Variants in MYO3A observed in about 807,000 individuals in gnomAD.
MYO3A encodes myosin-IIIa.
MYO3A carries 180 observed loss-of-function variants against 192.7 expected under a neutral mutation model. That is an observed-to-expected ratio of 0.93 (90% CI 0.83 to 1.06). MYO3A has a LOEUF of 1.06. MYO3A is among the 50% of genes least tolerant of loss of function. The pLI, the probability that MYO3A is intolerant of heterozygous loss-of-function variation, is 0.00. For missense variants in MYO3A, 1,896 were observed against 1,905.0 expected (o/e 1.00, Z 0.09); for synonymous variants, 628 against 645.3 (o/e 0.97, Z 0.41).
intron 2 of MYO3A, among the ~76,000 whole-genome samples, chr10:25,937,019 C>T (rs1564384516): frequency 6.6e-6 from 1 of 151,982 alleles, no homozygotes; most frequent in African/African-American, 2.4e-5. Context: ...AAGTCGTATG[C>T]GATAGTTTCA....
chr10:26,044,499 T>G (rs1045583578), intron 10 of MYO3A, among the ~76,000 whole-genome samples: 2 of 152,198 alleles, frequency 1.3e-5, no homozygotes, highest in African/African-American at 2.4e-5. Flanking sequence ...GTTTAAATAC[T>G]CCTTCTTTGG....
At chr10:25,975,758 C>T (rs558494721) in intron 4 of MYO3A, among the ~76,000 whole-genome samples, 3 of 151,990 alleles carry the variant, frequency 2.0e-5, no homozygotes, top group Admixed American at 6.5e-5. Context: ...AGTGCAAGTT[C>T]GTTAAAACAT....
chr10:26,128,472 G>A lies in MYO3A; in HGVS notation c.2196G>A (p.Leu732=). The change falls in exon 20 of 35, where the codon CTG becomes CTA. Residue 732 remains leucine (L), a synonymous_variant. Coordinates refer to ENST00000642920, the MANE Select transcript of MYO3A (RefSeq NM_017433.5). ...TCAAAAAAAATTCCTTCGAGCAGCTGTGCATTAACATTGCAAATGAACAAA... is the reference window on the plus strand; with the variant it reads ...TCAAAAAAAATTCCTTCGAGCAGCTATGCATTAACATTGCAAATGAACAAA... The part of the protein sequence containing the change: ...ENFKKNSFEQ[L]CINIANEQIQ... The A allele has an allele frequency of 3.7e-6, 6 of 1,612,440 alleles. No individual in the cohort carries two copies. Among genetic ancestry groups the A allele is most frequent in the Non-Finnish European group, 5.1e-6 (6 of 1,178,768 alleles).
intron 17 of MYO3A, among the ~76,000 whole-genome samples, chr10:26,119,653 A>G (rs1665627982): frequency 6.6e-6 from 1 of 152,182 alleles, no homozygotes; most frequent in Non-Finnish European, 1.5e-5. Flanking sequence ...TAAAAACAGT[A>G]AAGAATGTTG....
intron 2 of MYO3A, among the ~76,000 whole-genome samples, chr10:25,939,338 T>G (rs1050162889): frequency 1.3e-5 from 2 of 152,024 alleles, no homozygotes; most frequent in Non-Finnish European, 2.9e-5. Context: ...TCCCCTAATC[T>G]TTTTTTCCTG....
In MYO3A at chr10:25,962,677, C is replaced by T. The variant is rs562292031; in HGVS notation, c.303+7669C>T. Among the ~76,000 whole-genome samples, 5 of 152,174 alleles carry T rather than the reference C, an allele frequency of 3.3e-5. No homozygotes were observed. The South Asian group carries it at 1.0e-3, about 32-fold the overall frequency. ...TTTTGACTTTGCACTGCCTTTTACCCCTGATATCTACTGTTGGGGATCAGT... is the reference window on the plus strand; with the variant it reads ...TTTTGACTTTGCACTGCCTTTTACCTCTGATATCTACTGTTGGGGATCAGT... On this transcript the variant is annotated intron_variant, in intron 4 of 34. Coordinates refer to ENST00000642920, the MANE Select transcript of MYO3A (RefSeq NM_017433.5).
At chr10:26,007,133 C>T (rs1841278315) in intron 6 of MYO3A, among the ~76,000 whole-genome samples, 1 of 148,504 alleles carries the variant, frequency 6.7e-6, no homozygotes. Context: ...ACAAAAACCA[C>T]ATGATTATCT....
At chr10:26,127,401 A>G (rs1839280709) in intron 19 of MYO3A, among the ~76,000 whole-genome samples, 1 of 152,214 alleles carries the variant, frequency 6.6e-6, no homozygotes, top group Non-Finnish European at 1.5e-5. Flanking sequence ...CATAAGTTTT[A>G]ACTAGACATC....
intron 32 of MYO3A, among the ~76,000 whole-genome samples, chr10:26,197,564 G>A (rs1426917420): frequency 6.6e-6 from 1 of 152,038 alleles, no homozygotes; most frequent in Non-Finnish European, 1.5e-5. Context: ...TTTTGTTGTT[G>A]TTGGTGGTGG....
chr10:26,021,029 T>C lies in MYO3A; in HGVS notation c.586-474T>C, dbSNP rs1588796169. On this transcript the variant is annotated intron_variant, in intron 7 of 34. Coordinates refer to ENST00000642920, the MANE Select transcript of MYO3A (RefSeq NM_017433.5). ...ATTCCTCCCTTAGGTAGCCTTGCCT[T>C]CTAGTTGCCAGTAGAGACCAAGGCC... is the stretch of plus-strand genomic sequence containing the variant. Among the ~76,000 whole-genome samples the C allele has an allele frequency of 5.9e-5, 9 of 152,344 alleles. 1 individual carries two copies. In the South Asian group the frequency reaches 1.9e-3, roughly 32 times the overall value.
chr10:26,177,505 A>C (rs1284611174), intron 31 of MYO3A, among the ~76,000 whole-genome samples: 1 of 152,100 alleles, frequency 6.6e-6, no homozygotes, highest in East Asian at 1.9e-4. Flanking sequence ...GGCTGCTCCC[A>C]CACCCTGCAG....
intron 6 of MYO3A, among the ~76,000 whole-genome samples, chr10:26,005,845 A>G (rs995063181): frequency 1.3e-5 from 2 of 152,260 alleles, no homozygotes; most frequent in South Asian, 4.1e-4. Flanking sequence ...TCATAACTAT[A>G]TAAAACATTA....
chr10:26,106,197 A>G (rs527639187), intron 17 of MYO3A, among the ~76,000 whole-genome samples: 3 of 152,084 alleles, frequency 2.0e-5, no homozygotes, highest in African/African-American at 7.2e-5. Context: ...TTGAATTTAT[A>G]TATTAATTTT....
chr10:26,082,399 A>T (rs1836015085), intron 14 of MYO3A, among the ~76,000 whole-genome samples: 1 of 152,196 alleles, frequency 6.6e-6, no homozygotes, highest in Non-Finnish European at 1.5e-5. Flanking sequence ...ATTTATTTAT[A>T]AAAATGTTAT....
At position 25,995,339 on chromosome 10, in the gene MYO3A, G is replaced by A. The variant is rs181645632; in HGVS notation, c.304-1151G>A. On this transcript the variant is annotated intron_variant, in intron 4 of 34. Transcript: ENST00000642920. ...GCATTCATCATGTAGTTCTCGTGCC[G>A]TGGTTTTCAGCTCCATCAGGTCCTT... 7.5e-3 allele frequency among the ~76,000 whole-genome samples: 1,142 copies of A among 152,248 alleles called. 18 individuals carry two copies. The highest frequency in any genetic ancestry group is 0.026 in the African/African-American group (1,060 of 41,538).
intron 34 of MYO3A, among the ~76,000 whole-genome samples, chr10:26,210,390 C>A (rs1844169538): frequency 6.6e-6 from 1 of 152,196 alleles, no homozygotes; most frequent in South Asian, 2.1e-4. Flanking sequence ...AAGCCAAAAG[C>A]CTTGGCGACA....
intron 2 of MYO3A, among the ~76,000 whole-genome samples, chr10:25,949,371 G>GA (rs1837060608): frequency 6.6e-6 from 1 of 152,080 alleles, no homozygotes; most frequent in African/African-American, 2.4e-5. Flanking sequence ...TCCATGTAAT[G>GA]AATGTTTCTG....
chr10:25,968,387 C>T (rs570890989), intron 4 of MYO3A, among the ~76,000 whole-genome samples: 1 of 152,172 alleles, frequency 6.6e-6, no homozygotes, highest in East Asian at 1.9e-4. Flanking sequence ...CAGAGACCTG[C>T]ACTATAAAAA....
chr10:26,001,095 C>T (rs1328021451), intron 6 of MYO3A, among the ~76,000 whole-genome samples: 1 of 152,130 alleles, frequency 6.6e-6, no homozygotes, highest in Admixed American at 6.5e-5. Flanking sequence ...GTCCCTCCCC[C>T]AAATTACAAT....
Sources: gnomAD v4.1 joint callset for allele counts (sites outside exome capture counted in the v4.1 genomes callset) on GRCh38, gnomAD v4.1.1 for gene constraint, MANE v1.5 for transcripts, NCBI Gene and HGNC (gene_info 2026-07-23, HGNC 2026-07-21) for gene names.